The following TRPM2 variants were observed in gnomAD, a reference collection of about 807,000 sequenced individuals.
TRPM2 encodes transient receptor potential cation channel subfamily M member 2.
Under a neutral mutation model 174.0 loss-of-function variants are expected in TRPM2, and 161 were observed. The ratio of observed to expected loss-of-function variants is 0.93; its 90% CI spans 0.81 to 1.05. The LOEUF (loss-of-function observed/expected upper bound fraction) is 1.05. Among genes scored for constraint, TRPM2 ranks in the 50% least tolerant of loss-of-function variants. The probability of loss-of-function intolerance (pLI) is 0.00; values close to 1 mark genes in which losing one functional copy is unlikely to be tolerated. For synonymous variants in TRPM2, 954 were observed against 861.3 expected (o/e 1.11, Z -1.88); for missense variants, 2,057 against 2,038.0 (o/e 1.01, Z -0.18).
In TRPM2 at chr21:44,418,098, C is replaced by T. The variant is rs370373606; in HGVS notation, c.3318C>T (p.His1106=). Residue 1106 remains histidine (H), a synonymous_variant, in exon 21 of 32, where the codon CAC becomes CAT. Coordinates refer to ENST00000397928, the MANE Select transcript of TRPM2 (RefSeq NM_003307.4). ...TCCTGAAGACTCCGGCCAAGAGGCA[C>T]AAGCAGCTCAGTATGCCAGCCCCAG... ...RVVLKTPAKR[H]KQLKNKLEKN... is the part of the protein sequence containing the mutation. 3 of 1,611,192 alleles carry T rather than the reference C, an allele frequency of 1.9e-6. No homozygotes were observed. Among genetic ancestry groups the T allele is most frequent in the Non-Finnish European group, 2.5e-6 (3 of 1,179,146 alleles).
chr21:44,395,609 G>A, intron 12 of TRPM2, 58 bp downstream of exon 12: 1 of 1,604,522 alleles, frequency 6.2e-7, no homozygotes, highest in Non-Finnish European at 8.5e-7. Context: ...CGGCCAGCTG[G>A]GGAGTGTGGC....
chr21:44,350,907 C>G (rs2122921723), upstream of TRPM2, among the ~76,000 whole-genome samples: 45,687 of 151,998 alleles, frequency 0.3, 7,621 homozygotes, highest in African/African-American at 0.46. Context: ...GGACAGCAGG[C>G]CCCGCTTCTG....
At chr21:44,409,635 GCGTAGCC>G in intron 19 of TRPM2, among the ~76,000 whole-genome samples, 3 of 147,606 alleles carry the variant, frequency 2.0e-5, no homozygotes, top group African/African-American at 7.6e-5. Context: ...CACTGTCTTG[GCGTAGCC>G]TTGTAGTAAG....
intron 22 of TRPM2, among the ~76,000 whole-genome samples, chr21:44,421,636 C>T (rs960842663): frequency 2.0e-5 from 3 of 152,014 alleles, no homozygotes; most frequent in Admixed American, 6.6e-5. Context: ...ATTAGCCAGG[C>T]ACGGTGGCTC....
rs1167892366 is a variant in TRPM2, at chr21:44,353,667, C to CAGGCCTG, written c.-33_-27dup. 10 of 1,452,296 alleles carry CAGGCCTG rather than the reference C, an allele frequency of 6.9e-6. No homozygotes were observed. The highest frequency in any genetic ancestry group is 8.2e-6 in the Non-Finnish European group (9 of 1,103,696). 90.0% of individuals were successfully genotyped at this position (1,452,296 alleles called of 1,614,324 possible). On this transcript the variant is annotated 5_prime_UTR_variant, in exon 1 of 32. Coordinates refer to ENST00000397928, the MANE Select transcript of TRPM2 (RefSeq NM_003307.4). The stretch of plus-strand genomic sequence containing the variant: ...GGAGAGAGGACTGTCCTGAGGGCAG[C>CAGGCCTG]AGGCCTGGTTGCAGCTGGCGTGGGG...
chr21:44,392,807 A>G (rs1203476453), intron 11 of TRPM2, among the ~76,000 whole-genome samples: 1 of 152,074 alleles, frequency 6.6e-6, no homozygotes, highest in Non-Finnish European at 1.5e-5. Context: ...CCTGAGCCCC[A>G]CTGCTGCCCA....
At chr21:44,440,937 G>T (rs1041445946) in intron 31 of TRPM2, 32 bp downstream of exon 31, 3 of 1,594,884 alleles carry the variant, frequency 1.9e-6, no homozygotes, top group Non-Finnish European at 1.7e-6. Flanking sequence ...AGGCGGGAGT[G>T]GGGAGGCAGG....
At chr21:44,392,335 G>A (rs986535050) in intron 11 of TRPM2, among the ~76,000 whole-genome samples, 3 of 151,400 alleles carry the variant, frequency 2.0e-5, no homozygotes, top group Admixed American at 2.0e-4. Context: ...ATGGCTCACC[G>A]TACCTTCCAC....
At position 44,418,067 on chromosome 21, in the gene TRPM2, G is replaced by A. The variant is rs766306277; in HGVS notation, c.3287G>A (p.Arg1096Lys). 4 of 1,612,964 alleles carry A rather than the reference G, an allele frequency of 2.5e-6. No homozygotes were observed. The highest frequency in any genetic ancestry group is 3.3e-4 in the Middle Eastern group (2 of 6,082). The change falls in exon 21 of 32, where the codon AGG becomes AAG. Residue 1096 changes from arginine (R) to lysine (K), a missense_variant. Coordinates refer to ENST00000397928, the MANE Select transcript of TRPM2 (RefSeq NM_003307.4). Reference sequence around the variant, plus strand: ...AGCCACCTGCAGCTCTTCATCAAGAGGGTGGTCCTGAAGACTCCGGCCAAG... The same window carrying A: ...AGCCACCTGCAGCTCTTCATCAAGAAGGTGGTCCTGAAGACTCCGGCCAAG... ...LLSHLQLFIK[R>K]VVLKTPAKRH...
chr21:44,407,060 T>A (rs1401026725), intron 19 of TRPM2, among the ~76,000 whole-genome samples: 2 of 148,818 alleles, frequency 1.3e-5, no homozygotes, highest in African/African-American at 5.0e-5. Flanking sequence ...AAATGGAATG[T>A]CACCCTGTAT....
intron 5 of TRPM2, among the ~76,000 whole-genome samples, chr21:44,372,410 G>A (rs2048568320): frequency 6.6e-6 from 1 of 152,068 alleles, no homozygotes; most frequent in Non-Finnish European, 1.5e-5. Flanking sequence ...CAGGAGAATC[G>A]CTTGAACCTG....
intron 2 of TRPM2, among the ~76,000 whole-genome samples, chr21:44,357,440 T>C (rs1041839706): frequency 3.3e-5 from 5 of 152,050 alleles, no homozygotes; most frequent in African/African-American, 1.2e-4. Context: ...ACAGCTAAGG[T>C]TTATCATGGT....
chr21:44,367,052 G>A lies in TRPM2; in HGVS notation c.604+118G>A, dbSNP rs1051009678. 7 of 1,260,002 alleles carry A rather than the reference G, an allele frequency of 5.6e-6. No homozygotes were observed. In the African/African-American group the frequency reaches 1.1e-4, roughly 19 times the overall value. The allele number at this position is 1,260,002 out of a possible 1,614,324, so 78.1% of individuals were successfully genotyped here. ...AGTCCCTGGGAGCCGCCGAGGCTGT[G>A]CCCCAGCCTGAGTCGGACCCATGCA... On this transcript the variant is annotated intron_variant, in intron 4 of 31. Transcript: ENST00000397928. This position sits in a 1 kb window ranked among gnomAD's most constrained non-coding sequence, Gnocchi z 4.6.
At chr21:44,351,358 A>T (rs908843926), upstream of TRPM2, among the ~76,000 whole-genome samples, 1 of 151,886 alleles carries the variant, frequency 6.6e-6, no homozygotes, top group Non-Finnish European at 1.5e-5. Context: ...CCCAACCCAC[A>T]CTCCCTGGGG....
intron 27 of TRPM2, among the ~76,000 whole-genome samples, chr21:44,434,183 G>A (rs889157356): frequency 5.9e-5 from 9 of 152,196 alleles, no homozygotes; most frequent in Admixed American, 4.6e-4. Context: ...GGTCAGAGTG[G>A]AATGGTGGAG....
At chr21:44,440,938 G>C (rs763808434) in intron 31 of TRPM2, 33 bp downstream of exon 31, 2 of 1,596,612 alleles carry the variant, frequency 1.3e-6, no homozygotes. Flanking sequence ...GGCGGGAGTG[G>C]GGAGGCAGGG....
intron 8 of TRPM2, among the ~76,000 whole-genome samples, chr21:44,381,269 A>G (rs1418329222): frequency 1.3e-5 from 2 of 151,848 alleles, no homozygotes; most frequent in African/African-American, 4.8e-5. Context: ...TTACTTTGGG[A>G]GCAGTGGGAG....
chr21:44,394,539 TC>T (rs2049282024), intron 11 of TRPM2, among the ~76,000 whole-genome samples: 1 of 151,654 alleles, frequency 6.6e-6, no homozygotes, highest in Admixed American at 6.6e-5. Flanking sequence ...CAGGATGGTC[TC>T]GATCTCCTGA....
chr21:44,384,650 T>C (rs2048971472), intron 9 of TRPM2, among the ~76,000 whole-genome samples: 1 of 152,210 alleles, frequency 6.6e-6, no homozygotes, highest in Admixed American at 6.5e-5. Flanking sequence ...TACTGGGGAT[T>C]ACATTTACAA....
Sources: gnomAD v4.1 joint callset for allele counts (sites outside exome capture counted in the v4.1 genomes callset) on GRCh38, gnomAD v4.1.1 for gene constraint, Gnocchi (gnomAD v3.1) non-coding constraint, MANE v1.5 for transcripts, NCBI Gene and HGNC (gene_info 2026-07-23, HGNC 2026-07-21) for gene names.